Variants in PAH observed in about 807,000 individuals in gnomAD.
PAH encodes the protein phenylalanine hydroxylase, also known as phenylalanine-4-hydroxylase.
Under a neutral mutation model 62.0 loss-of-function variants are expected in PAH, and 64 were observed. The observed-to-expected ratio is 1.03, with a 90% CI of 0.84 to 1.27. The LOEUF is 1.27. Among genes scored for constraint, PAH ranks in the 50% most tolerant of loss-of-function variants. PAH has a pLI of 0.00. For missense variants in PAH, 579 were observed against 542.8 expected (o/e 1.07, Z -0.66); for synonymous variants, 195 against 196.2 (o/e 0.99, Z 0.05).
chr12:102,872,955 T>G (rs140262594), intron 4 of PAH, among the ~76,000 whole-genome samples: 40 of 151,964 alleles, frequency 2.6e-4, no homozygotes, highest in African/African-American at 8.9e-4. Flanking sequence ...GCAGCAAGAG[T>G]GAAACTCCAT....
At chr12:102,861,966 T>TTAAA (rs375190076) in intron 5 of PAH, among the ~76,000 whole-genome samples, 2 of 128,472 alleles carry the variant, frequency 1.6e-5, no homozygotes, top group African/African-American at 2.7e-5. Flanking sequence ...ACTTAAAGTA[T>TTAAA]AAAAAAAAAA....
chr12:102,893,168 G>A (rs2136699542), intron 3 of PAH, among the ~76,000 whole-genome samples: 1 of 152,286 alleles, frequency 6.6e-6, no homozygotes, highest in South Asian at 2.1e-4. Context: ...GGGAGGCTGA[G>A]GCGGGTGGTT....
At chr12:102,918,761 T>A (rs1343168854), upstream of PAH, among the ~76,000 whole-genome samples, 1 of 152,148 alleles carries the variant, frequency 6.6e-6, no homozygotes, top group South Asian at 2.1e-4. Context: ...GGAAGCTCAA[T>A]GTTGTTAAAT....
chr12:102,865,315 G>A (rs1325557443), intron 5 of PAH, among the ~76,000 whole-genome samples: 1 of 152,118 alleles, frequency 6.6e-6, no homozygotes, highest in Non-Finnish European at 1.5e-5. Flanking sequence ...ACTCAGAAGA[G>A]TGGCTAAAAA....
intron 5 of PAH, among the ~76,000 whole-genome samples, chr12:102,862,639 A>G (rs1345523140): frequency 1.3e-5 from 2 of 152,188 alleles, no homozygotes; most frequent in Admixed American, 1.3e-4. Flanking sequence ...ACAGATGTAA[A>G]CCAAATAAAG....
Position 102,838,503 on chromosome 12 carries a change from T to G in PAH, c.*672A>C, listed in dbSNP as rs1874456818. 1 of 152,340 alleles carries G rather than the reference T, an allele frequency of 6.6e-6. No homozygotes were observed. Among genetic ancestry groups the G allele is most frequent in the Admixed American group, 6.5e-5 (1 of 15,304 alleles). The allele number at this position is 152,340 out of a possible 1,614,324, so 9.4% of individuals were successfully genotyped here. On this transcript the variant is annotated 3_prime_UTR_variant, in exon 13 of 13. Transcript: ENST00000553106. ...CCTCAAAGTGTTTCCCAAAACAGAC[T>G]TGATAATTAATTGGAAAATGATACT... is the stretch of plus-strand genomic sequence containing the variant.
At position 102,931,846 on chromosome 12, in the gene PAH, G is replaced by A. The variant is rs553155413; in HGVS notation, c.-95-14621C>T. ...CCACCACTTTGTTGGTACATAGTAG[G>A]TATCCAATAAACGTTGATGCAGTAA... On this transcript the variant is annotated intron_variant, in intron 1 of 3. Coordinates refer to the PAH transcript ENST00000546844. Among the ~76,000 whole-genome samples the A allele has an allele frequency of 7.9e-5, 12 of 152,170 alleles. No homozygotes were observed. In the South Asian group the frequency reaches 2.3e-3, roughly 29 times the overall value.
At chr12:102,880,103 T>C (rs1876753903) in intron 3 of PAH, among the ~76,000 whole-genome samples, 1 of 152,206 alleles carries the variant, frequency 6.6e-6, no homozygotes, top group African/African-American at 2.4e-5. Flanking sequence ...TAGACCTCCT[T>C]GGTCCCAACT....
chr12:102,944,127 A>G (rs989438944), intron 1 of PAH, among the ~76,000 whole-genome samples: 1 of 152,156 alleles, frequency 6.6e-6, no homozygotes, highest in African/African-American at 2.4e-5. Context: ...TGAAACGTCT[A>G]CTGTCAGATG....
At chr12:102,917,362 G>A (rs886048893), upstream of PAH, 1 of 560,404 alleles carries the variant, frequency 1.8e-6, no homozygotes, top group African/African-American at 1.9e-5. Flanking sequence ...GCCCAGGACG[G>A]GCCGGAGGGG....
At chr12:102,933,607 C>T (rs1878994769) in intron 1 of PAH, among the ~76,000 whole-genome samples, 1 of 151,780 alleles carries the variant, frequency 6.6e-6, no homozygotes, top group Admixed American at 6.6e-5. Flanking sequence ...TACAAGAGTT[C>T]CTTTGCCTGT....
intron 3 of PAH, among the ~76,000 whole-genome samples, chr12:102,891,440 C>T (rs1018338195): frequency 6.6e-6 from 1 of 152,168 alleles, no homozygotes; most frequent in Non-Finnish European, 1.5e-5. Flanking sequence ...TTTCCAGTTG[C>T]CAGACTCTGA....
rs1018055170 is a variant in PAH at position 102,838,081 on chromosome 12, T to C, written c.*1094A>G. Reference sequence around the variant, plus strand: ...ATTTCAAATCATAGCTACAAAGATATTGTTTTTTTTCTCCCCACTGCTTCT... The same window carrying C: ...ATTTCAAATCATAGCTACAAAGATACTGTTTTTTTTCTCCCCACTGCTTCT... On this transcript the variant is annotated 3_prime_UTR_variant, in exon 13 of 13. Transcript: ENST00000553106. The C allele has an allele frequency of 5.3e-5, 8 of 152,200 alleles. No individual in the cohort carries two copies. The highest frequency in any genetic ancestry group is 1.9e-4 in the African/African-American group (8 of 41,454). The allele number at this position is 152,200 out of a possible 1,614,324, so 9.4% of individuals were successfully genotyped here. A position where few individuals can be genotyped will look rare whatever the true frequency, so the allele number is the denominator to read the frequency against.
chr12:102,942,133 C>T (rs1331731482), intron 1 of PAH, among the ~76,000 whole-genome samples: 1 of 152,100 alleles, frequency 6.6e-6, no homozygotes, highest in Non-Finnish European at 1.5e-5. Context: ...CAAACTATCT[C>T]TCTTCATAGA....
At chr12:102,929,451 A>G (rs1878783406) in intron 1 of PAH, among the ~76,000 whole-genome samples, 1 of 152,196 alleles carries the variant, frequency 6.6e-6, no homozygotes, top group African/African-American at 2.4e-5. Flanking sequence ...AGCATGAGCA[A>G]AGGTCATATT....
upstream of PAH, among the ~76,000 whole-genome samples, chr12:102,920,052 G>T (rs146694976): frequency 2.5e-3 from 379 of 152,140 alleles, 2 homozygotes; most frequent in African/African-American, 8.4e-3. Flanking sequence ...GTACAAAAAT[G>T]GAATTTTTAA....
intron 1 of PAH, among the ~76,000 whole-genome samples, chr12:102,939,511 C>T (rs73395425): frequency 0.032 from 4,811 of 152,236 alleles, 263 homozygotes; most frequent in African/African-American, 0.11. Context: ...CCCTCTGGCA[C>T]TACCACTGCC....
intron 1 of PAH, among the ~76,000 whole-genome samples, chr12:102,925,814 TTC>T (rs1162816863): frequency 6.6e-6 from 1 of 152,148 alleles, no homozygotes; most frequent in Non-Finnish European, 1.5e-5. Flanking sequence ...ATTCCAGGAA[TTC>T]TTAGCAGAAT....
intron 3 of PAH, among the ~76,000 whole-genome samples, chr12:102,890,486 C>T (rs1330798953): frequency 1.3e-5 from 2 of 152,152 alleles, no homozygotes; most frequent in African/African-American, 4.8e-5. Context: ...TGGCAGATGC[C>T]AGGTCGTGGC....
Sources: allele counts gnomAD v4.1 joint callset (sites outside exome capture counted in the v4.1 genomes callset), GRCh38; gene constraint gnomAD v4.1.1; transcripts MANE v1.5; gene names NCBI Gene and HGNC (gene_info 2026-07-23, HGNC 2026-07-21).